The following CCDC172 variants were observed in gnomAD, a reference collection of about 807,000 sequenced individuals.
CCDC172 encodes the protein coiled-coil domain-containing protein 172.
CCDC172 carries 30 observed loss-of-function variants against 38.0 expected under a neutral mutation model. The observed-to-expected ratio is 0.79, with a 90% CI of 0.59 to 1.07. The LOEUF (loss-of-function observed/expected upper bound fraction) is 1.07, where lower values mean the gene tolerates loss of function less well. Among genes scored for constraint, CCDC172 ranks in the 50% least tolerant of loss-of-function variants. The probability of loss-of-function intolerance (pLI) is 0.00; values close to 1 mark genes in which losing one functional copy is unlikely to be tolerated. For missense variants in CCDC172, 297 were observed against 290.1 expected (o/e 1.02, Z -0.17); for synonymous variants, 78 against 88.3 (o/e 0.88, Z 0.66).
At chr10:116,373,968 C>T (rs1845215361) in intron 7 of CCDC172, among the ~76,000 whole-genome samples, 1 of 152,144 alleles carries the variant, frequency 6.6e-6, no homozygotes, top group Admixed American at 6.6e-5. Flanking sequence ...GATTCCAAAA[C>T]ATTAAATGAA....
rs375025769 is a variant in CCDC172 at position 116,362,082 on chromosome 10, C to T, written c.653+4144C>T. Among the ~76,000 whole-genome samples, 7 of 152,126 alleles carry T rather than the reference C, an allele frequency of 4.6e-5. No individual in the cohort carries two copies. In the East Asian group the frequency reaches 7.7e-4, roughly 17 times the overall value. ...GCAGGCACCTGTAGCCTCAGCTACTCGGGAGGCTGAGGCAGGAGAATGGTG... is the reference window on the plus strand; with the variant it reads ...GCAGGCACCTGTAGCCTCAGCTACTTGGGAGGCTGAGGCAGGAGAATGGTG... On this transcript the variant is annotated intron_variant, in intron 7 of 8. Coordinates refer to ENST00000333254, the MANE Select transcript of CCDC172 (RefSeq NM_198515.3).
intron 7 of CCDC172, among the ~76,000 whole-genome samples, chr10:116,362,882 A>G (rs1845081218): frequency 6.6e-6 from 1 of 152,198 alleles, no homozygotes; most frequent in Non-Finnish European, 1.5e-5. Flanking sequence ...GTAGCCTTCA[A>G]GCTAATAGAG....
intron 3 of CCDC172, among the ~76,000 whole-genome samples, chr10:116,331,377 A>G (rs1276281431): frequency 6.6e-5 from 10 of 151,988 alleles, no homozygotes; most frequent in Non-Finnish European, 1.0e-4. Context: ...TAGCATTACC[A>G]TCTCTCCCTG....
At chr10:116,334,903 T>C (rs1028573399) in intron 3 of CCDC172, among the ~76,000 whole-genome samples, 1 of 152,118 alleles carries the variant, frequency 6.6e-6, no homozygotes, top group African/African-American at 2.4e-5. Context: ...AGTTATAATT[T>C]GAATTTTTTA....
In CCDC172 at chr10:116,378,510, G is replaced by T; in HGVS notation, c.741G>T (p.Leu247Phe). 1 of 1,598,696 alleles carries T rather than the reference G, an allele frequency of 6.3e-7. No individual in the cohort carries two copies. Among genetic ancestry groups the T allele is most frequent in the South Asian group, 1.1e-5 (1 of 88,138 alleles). ...AAACAGAAATAGAATTTTTGGAGTT[G>T]GTAAGTTATCATTGATTGTTTAACT... ...ALQTEIEFLE[L>F]TLAQKDLQES... The change falls in exon 8 of 9, where the codon TTG becomes TTT. Residue 247 changes from leucine (L) to phenylalanine (F), a missense_variant and splice_region_variant. Physicochemically the swap from Leu to Phe is conservative, Grantham distance 22. Coordinates refer to ENST00000333254, the MANE Select transcript of CCDC172 (RefSeq NM_198515.3).
At chr10:116,331,453 TC>T (rs112995764) in intron 3 of CCDC172, among the ~76,000 whole-genome samples, 33,137 of 152,038 alleles carry the variant, frequency 0.22, 3,725 homozygotes, top group East Asian at 0.38. Context: ...ATTATTTGTC[TC>T]CCTCCAGTGG....
At chr10:116,374,468 T>G (rs940428068) in intron 7 of CCDC172, among the ~76,000 whole-genome samples, 2 of 150,736 alleles carry the variant, frequency 1.3e-5, no homozygotes, top group Admixed American at 6.6e-5. Context: ...GTGCCTAATT[T>G]ATAAATTAAA....
At chr10:116,375,175 A>G (rs887277420) in intron 7 of CCDC172, among the ~76,000 whole-genome samples, 19 of 152,022 alleles carry the variant, frequency 1.2e-4, no homozygotes, top group Non-Finnish European at 2.4e-4. Flanking sequence ...CTCTGCTTTT[A>G]CTTTATAATG....
At chr10:116,378,063 C>T (rs752160703) in intron 7 of CCDC172, among the ~76,000 whole-genome samples, 16 of 152,056 alleles carry the variant, frequency 1.1e-4, no homozygotes, top group Non-Finnish European at 1.6e-4. Flanking sequence ...CGCCTGTAAT[C>T]CCAGCTACTT....
intron 5 of CCDC172, among the ~76,000 whole-genome samples, chr10:116,347,265 A>AAAGAT (rs1844879199): frequency 6.6e-6 from 1 of 152,124 alleles, no homozygotes; most frequent in African/African-American, 2.4e-5. Context: ...CACGTTACTG[A>AAAGAT]GTGGAGTTGA....
At chr10:116,355,365 G>T (rs1411939767) in intron 5 of CCDC172, among the ~76,000 whole-genome samples, 1 of 152,186 alleles carries the variant, frequency 6.6e-6, no homozygotes, top group Non-Finnish European at 1.5e-5. Flanking sequence ...TAACCTATGA[G>T]CAATAGGCTA....
At chr10:116,332,921 C>CTTT (rs1844683203) in intron 3 of CCDC172, among the ~76,000 whole-genome samples, 1 of 151,878 alleles carries the variant, frequency 6.6e-6, no homozygotes, top group Non-Finnish European at 1.5e-5. Flanking sequence ...CTATTTTTTG[C>CTTT]AGTATTAGTT....
chr10:116,338,266 T>C (rs1400561277), intron 3 of CCDC172, among the ~76,000 whole-genome samples: 1 of 152,110 alleles, frequency 6.6e-6, no homozygotes, highest in Non-Finnish European at 1.5e-5. Context: ...ACCAAGACTT[T>C]TGTATTAACA....
intron 7 of CCDC172, among the ~76,000 whole-genome samples, chr10:116,372,808 C>T (rs936061133): frequency 9.2e-5 from 14 of 151,998 alleles, no homozygotes; most frequent in Non-Finnish European, 1.9e-4. Context: ...ACATTATATA[C>T]AAAGGAATGA....
At chr10:116,359,627 C>T (rs1003076422) in intron 7 of CCDC172, among the ~76,000 whole-genome samples, 2 of 152,060 alleles carry the variant, frequency 1.3e-5, no homozygotes, top group East Asian at 3.9e-4. Flanking sequence ...GCAAAATGTC[C>T]GCTGGGGAAG....
intron 3 of CCDC172, among the ~76,000 whole-genome samples, chr10:116,327,353 T>G (rs534590515): frequency 6.6e-6 from 1 of 152,288 alleles, no homozygotes; most frequent in East Asian, 1.9e-4. Flanking sequence ...TTGTTTAGGT[T>G]AATATTTTTA....
intron 7 of CCDC172, among the ~76,000 whole-genome samples, chr10:116,374,801 A>C (rs908819104): frequency 6.6e-6 from 1 of 152,048 alleles, no homozygotes; most frequent in African/African-American, 2.4e-5. Context: ...ATGCCAAGTA[A>C]AAGACAGATT....
At chr10:116,342,247 CTTA>C (rs1565714672) in intron 5 of CCDC172, 46 bp downstream of exon 5, 1 of 1,475,398 alleles carries the variant, frequency 6.8e-7, no homozygotes, top group South Asian at 1.4e-5. Context: ...ATGAAAATAA[CTTA>C]TTTTGAATGA....
intron 3 of CCDC172, among the ~76,000 whole-genome samples, chr10:116,335,940 G>C (rs2052065): frequency 0.33 from 50,875 of 151,924 alleles, 9,899 homozygotes; most frequent in Non-Finnish European, 0.45. Context: ...GCCAAGGGGG[G>C]TGGATCATCT....
Sources: gnomAD v4.1 joint callset for allele counts (sites outside exome capture counted in the v4.1 genomes callset) on GRCh38, gnomAD v4.1.1 for gene constraint, MANE v1.5 for transcripts, NCBI Gene and HGNC (gene_info 2026-07-23, HGNC 2026-07-21) for gene names.